The following SOX6 variants were observed in gnomAD, a reference collection of about 807,000 sequenced individuals.
SOX6 encodes the protein transcription factor SOX-6.
Under a neutral mutation model 97.8 loss-of-function variants are expected in SOX6, and 11 were observed. The observed-to-expected ratio is 0.11, with a 90% CI of 0.07 to 0.19. The LOEUF (loss-of-function observed/expected upper bound fraction) is 0.19. Ranked by LOEUF, SOX6 falls within the 10% of genes least tolerant of loss-of-function variation. SOX6 has a pLI of 1.00. For missense variants in SOX6, 810 were observed against 1,039.5 expected (o/e 0.78, Z 3.04); for synonymous variants, 360 against 371.4 (o/e 0.97, Z 0.35).
intron 1 of SOX6, among the ~76,000 whole-genome samples, chr11:16,737,742 G>C (rs934955507): frequency 1.8e-4 from 27 of 152,040 alleles, no homozygotes. Context: ...AAATGGGGAG[G>C]GATTGCTAAC....
At position 15,972,489 on chromosome 11, in the gene SOX6, A is replaced by G. The variant is rs913540666; in HGVS notation, c.*320T>C. The G allele has an allele frequency of 1.2e-4, 43 of 350,554 alleles. No homozygotes were observed. In the Admixed American group the frequency reaches 1.7e-3, roughly 14 times the overall value. The allele number at this position is 350,554 out of a possible 1,614,324, so 21.7% of individuals were successfully genotyped here. On this transcript the variant is annotated 3_prime_UTR_variant, in exon 16 of 16. Transcript: ENST00000683767. ...ACTTAAACCTTTATCAACATCCAAA[A>G]GAAAAAAAAAGTAAGACAAAAATAT...
At chr11:16,161,756 T>C (rs1850756830) in intron 6 of SOX6, among the ~76,000 whole-genome samples, 1 of 152,206 alleles carries the variant, frequency 6.6e-6, no homozygotes, top group Admixed American at 6.6e-5. Context: ...TGGCACATGG[T>C]AGTACTTACT....
At chr11:16,500,355 T>C (rs1030099726) in intron 4 of SOX6, among the ~76,000 whole-genome samples, 2 of 152,198 alleles carry the variant, frequency 1.3e-5, no homozygotes, top group Non-Finnish European at 2.9e-5. Flanking sequence ...GCCAATATCA[T>C]AGTGAATAGG....
upstream of SOX6, among the ~76,000 whole-genome samples, chr11:16,356,755 C>A (rs1376543969): frequency 2.6e-5 from 4 of 152,120 alleles, no homozygotes; most frequent in Non-Finnish European, 5.9e-5. Flanking sequence ...CAGGTCCATT[C>A]TGTCATTTAT....
At chr11:16,647,669 T>A (rs1417628605) in intron 3 of SOX6, among the ~76,000 whole-genome samples, 1 of 152,286 alleles carries the variant, frequency 6.6e-6, no homozygotes, top group East Asian at 1.9e-4. Flanking sequence ...ATGAAACAGG[T>A]GGAAAACTGT....
At position 16,382,155 on chromosome 11, in the gene SOX6, G is replaced by A. The variant is rs183995644; in HGVS notation, c.-4-40903C>T. On this transcript the variant is annotated intron_variant, in intron 1 of 15. Transcript: ENST00000396356. ...TTAAAGGTTCTCTGGATATCACAGG[G>A]TTGCTTCTCTCCCAACCATCATCAA... 5 of 152,032 alleles carry A rather than the reference G, an allele frequency of 3.3e-5. No homozygotes were observed. In the East Asian group the frequency reaches 9.6e-4, roughly 29 times the overall value. 9.4% of individuals were successfully genotyped at this position (152,032 alleles called of 1,614,324 possible).
At chr11:16,669,189 A>G (rs1374501684) in intron 3 of SOX6, among the ~76,000 whole-genome samples, 1 of 152,268 alleles carries the variant, frequency 6.6e-6, no homozygotes, top group African/African-American at 2.4e-5. Context: ...AGTTATATCA[A>G]GTATCTTCTC....
At chr11:16,467,792 AAAAC>A (rs145776689) in intron 1 of SOX6, among the ~76,000 whole-genome samples, 2,025 of 152,154 alleles carry the variant, frequency 0.013, 25 homozygotes, top group Non-Finnish European at 0.021. Context: ...TTAAAAGTTA[AAAAC>A]AAACAAACAA....
At chr11:16,416,164 T>C (rs958315046) in intron 1 of SOX6, among the ~76,000 whole-genome samples, 7 of 152,120 alleles carry the variant, frequency 4.6e-5, no homozygotes, top group Admixed American at 3.9e-4. Context: ...AAATACACCT[T>C]CACATTTAGA....
At chr11:16,269,111 G>A (rs1176504578) in intron 3 of SOX6, among the ~76,000 whole-genome samples, 8 of 149,550 alleles carry the variant, frequency 5.3e-5, no homozygotes, top group African/African-American at 1.7e-4. Context: ...TAGATCTAAC[G>A]TTATCTTTTT....
At chr11:16,554,295 A>T (rs1847727350) in intron 4 of SOX6, among the ~76,000 whole-genome samples, 1 of 152,148 alleles carries the variant, frequency 6.6e-6, no homozygotes, top group Non-Finnish European at 1.5e-5. Flanking sequence ...GTTCGTTATT[A>T]GTCTGGGAGG....
intron 2 of SOX6, among the ~76,000 whole-genome samples, chr11:16,721,841 T>C (rs1590064623): frequency 6.6e-6 from 1 of 151,322 alleles, no homozygotes. Context: ...ATACAGAAAA[T>C]TGCACAGACA....
chr11:16,236,702 T>A (rs1034139575), intron 3 of SOX6, among the ~76,000 whole-genome samples: 2 of 151,946 alleles, frequency 1.3e-5, no homozygotes, highest in Non-Finnish European at 2.9e-5. Flanking sequence ...ATTAAATGCA[T>A]TTTAGGATGT....
intron 3 of SOX6, among the ~76,000 whole-genome samples, chr11:16,675,497 G>GA (rs1395006419): frequency 6.6e-6 from 1 of 152,108 alleles, no homozygotes; most frequent in African/African-American, 2.4e-5. Flanking sequence ...TAAAAGTTTA[G>GA]AAAAAAGAGA....
chr11:16,427,776 G>A (rs1400816276), intron 1 of SOX6, among the ~76,000 whole-genome samples: 1 of 152,152 alleles, frequency 6.6e-6, no homozygotes. Flanking sequence ...TGTGAATAGT[G>A]CCGCAATAAA....
intron 10 of SOX6, among the ~76,000 whole-genome samples, chr11:16,054,453 C>T (rs1847765487): frequency 6.6e-6 from 1 of 152,012 alleles, no homozygotes; most frequent in South Asian, 2.1e-4. Flanking sequence ...AAATGTTCTC[C>T]TATTTCTTTG....
chr11:16,143,989 G>A (rs1191781618), intron 6 of SOX6, among the ~76,000 whole-genome samples: 2 of 152,154 alleles, frequency 1.3e-5, no homozygotes, highest in Non-Finnish European at 2.9e-5. Flanking sequence ...ACTCAGCTCT[G>A]CACCAGGCGG....
intron 15 of SOX6, among the ~76,000 whole-genome samples, chr11:15,983,866 T>G (rs116334571): frequency 6.6e-6 from 1 of 152,284 alleles, no homozygotes; most frequent in African/African-American, 2.4e-5. Context: ...CAAAGTTCTT[T>G]TTATGTACCA....
intron 4 of SOX6, among the ~76,000 whole-genome samples, chr11:16,493,619 T>C (rs1165835301): frequency 6.6e-6 from 1 of 152,246 alleles, no homozygotes; most frequent in Non-Finnish European, 1.5e-5. Context: ...TGCACATTTC[T>C]ATTTTGTATT....
Sources: allele counts gnomAD v4.1 joint callset (sites outside exome capture counted in the v4.1 genomes callset), GRCh38; gene constraint gnomAD v4.1.1; transcripts MANE v1.5; gene names NCBI Gene and HGNC (gene_info 2026-07-23, HGNC 2026-07-21).